ZNF43: variants seen among roughly 807,000 people sequenced by gnomAD.
ZNF43 encodes the protein zinc finger protein 39-like 1 (KOX 27).
In ZNF43, 44 loss-of-function variants were observed where a neutral mutation model predicts 68.4. The observed-to-expected ratio is 0.64, with a 90% CI of 0.51 to 0.83. The LOEUF (loss-of-function observed/expected upper bound fraction) is 0.83. ZNF43 is among the 40% of genes least tolerant of loss of function. The probability of loss-of-function intolerance (pLI) is 0.00; values close to 1 mark genes in which losing one functional copy is unlikely to be tolerated. For synonymous variants in ZNF43, 308 were observed against 307.8 expected (o/e 1.00, Z -0.01); for missense variants, 896 against 933.2 (o/e 0.96, Z 0.52).
chr19:21,835,985 G>C, intron 1 of ZNF43, 51 bp downstream of exon 1: 1 of 1,612,866 alleles, frequency 6.2e-7, no homozygotes, highest in Non-Finnish European at 8.5e-7. Context: ...GAAGGCCTGA[G>C]TCACGCCACA....
At chr19:21,840,311 A>C (rs1334417655), upstream of ZNF43, 2 of 152,664 alleles carry the variant, frequency 1.3e-5, no homozygotes, top group Non-Finnish European at 2.9e-5. Flanking sequence ...AGGAGAGTCA[A>C]ATCACTCAGG....
chr19:21,808,488 T>A lies in ZNF43; in HGVS notation c.1549A>T (p.Lys517Ter). 6.2e-7 allele frequency: 1 copy of A among 1,613,486 alleles called. No individual in the cohort carries two copies. The highest frequency in any genetic ancestry group is 8.5e-7 in the Non-Finnish European group (1 of 1,179,824). The change falls in exon 4 of 4, where the codon AAA (lysine) becomes TAA (stop). Residue 517 changes from lysine (K) to a stop codon, truncating the protein, a stop_gained. Coordinates refer to ENST00000354959, the MANE Select transcript of ZNF43 (RefSeq NM_003423.4). LOFTEE classifies it high-confidence loss of function. ...KKPYKCEECG[K>*]AFKWSSKLTE... ...AGCTTTGAGGACCACTTAAAAGCTT[T>A]GCCACATTCTTCACATTTGTAGGGT...
At chr19:21,809,974 C>T (rs2037200409) in intron 3 of ZNF43, among the ~76,000 whole-genome samples, 167 bp from the exon 4 acceptor site, 1 of 152,022 alleles carries the variant, frequency 6.6e-6, no homozygotes, top group South Asian at 2.1e-4. Flanking sequence ...ACATACTGAT[C>T]AAATCAGTGA....
At chr19:21,851,115 A>G (rs1051976932) in intron 1 of ZNF43, 1 of 152,260 alleles carries the variant, frequency 6.6e-6, no homozygotes, top group African/African-American at 2.4e-5. Context: ...CAGTGCAGTC[A>G]CAGCCTCACA....
At chr19:21,836,414 T>C (rs1349331338), upstream of ZNF43, among the ~76,000 whole-genome samples, 1 of 152,212 alleles carries the variant, frequency 6.6e-6, no homozygotes, top group Non-Finnish European at 1.5e-5. Context: ...ACCCAGAGGG[T>C]ATTTGCCTTT....
At chr19:21,847,378 G>A (rs1217172411) in intron 1 of ZNF43, among the ~76,000 whole-genome samples, 2 of 152,154 alleles carry the variant, frequency 1.3e-5, no homozygotes, top group Non-Finnish European at 2.9e-5. Context: ...AGGTCTCTGT[G>A]AGCAGAGACC....
intron 1 of ZNF43, among the ~76,000 whole-genome samples, chr19:21,827,984 G>C (rs986846872): frequency 6.6e-6 from 1 of 151,988 alleles, no homozygotes; most frequent in Non-Finnish European, 1.5e-5. Context: ...TATATTTTTT[G>C]AGTGGCCACC....
At chr19:21,835,763 TC>T (rs1346823350) in intron 1 of ZNF43, among the ~76,000 whole-genome samples, 4 of 152,130 alleles carry the variant, frequency 2.6e-5, no homozygotes, top group African/African-American at 4.8e-5. Flanking sequence ...CTGACGACCC[TC>T]CTGTGGCCCC....
intron 1 of ZNF43, among the ~76,000 whole-genome samples, chr19:21,822,558 C>A (rs1012868902): frequency 6.6e-6 from 1 of 152,172 alleles, no homozygotes; most frequent in Non-Finnish European, 1.5e-5. Flanking sequence ...GTAATCCCAG[C>A]ACTTTGGGAG....
chr19:21,818,335 G>A (rs569938917), intron 2 of ZNF43, among the ~76,000 whole-genome samples: 114 of 147,332 alleles, frequency 7.7e-4, no homozygotes, highest in Non-Finnish European at 1.4e-3. Flanking sequence ...ACTCCTGACC[G>A]GGTGATCCGC....
chr19:21,811,602 T>C (rs2037276837), intron 3 of ZNF43, among the ~76,000 whole-genome samples: 1 of 151,094 alleles, frequency 6.6e-6, no homozygotes, highest in African/African-American at 2.4e-5. Context: ...GGCATTATAC[T>C]TTCTGATTTC....
intron 3 of ZNF43, among the ~76,000 whole-genome samples, chr19:21,813,769 T>A (rs7248525): frequency 0.12 from 7,121 of 59,938 alleles, 231 homozygotes; most frequent in African/African-American, 0.31. Context: ...TGAAAAGTAC[T>A]TTTTTTTTTT....
At chr19:21,844,933 T>TATATATATATATATATATATAC (rs1967841203) in intron 1 of ZNF43, among the ~76,000 whole-genome samples, 1 of 125,850 alleles carries the variant, frequency 7.9e-6, no homozygotes, top group African/African-American at 3.5e-5. Context: ...TATATATATA[T>TATATATATATATATATATATAC]ATATATATAT....
Position 21,808,919 on chromosome 19 carries a change from G to T in ZNF43, c.1118C>A (p.Thr373Lys), listed in dbSNP as rs372503962. The change falls in exon 4 of 4, where the codon ACA (threonine) becomes AAA (lysine). Residue 373 changes from threonine (T) to lysine (K), a missense_variant. Physicochemically the swap from Thr to Lys is moderately conservative, Grantham distance 78. Coordinates refer to ENST00000354959, the MANE Select transcript of ZNF43 (RefSeq NM_003423.4). ...CCGGCTAAAAGCTTCACCACATTCT[G>T]TACATTTATAGAATTTCTCTGCAGT... is the stretch of plus-strand genomic sequence containing the variant. ...IHTAEKFYKC[T>K]ECGEAFSRSS... is the part of the protein sequence containing the mutation. 8 of 1,606,810 alleles carry T rather than the reference G, an allele frequency of 5.0e-6. No individual in the cohort carries two copies. Among genetic ancestry groups the T allele is most frequent in the Middle Eastern group, 1.7e-4 (1 of 6,016 alleles).
intron 1 of ZNF43, among the ~76,000 whole-genome samples, chr19:21,823,555 CAAGA>C (rs2037955111): frequency 7.6e-6 from 1 of 132,090 alleles, no homozygotes; most frequent in Non-Finnish European, 1.6e-5. Flanking sequence ...ATAAGCCGGG[CAAGA>C]AAGAATCAGG....
Position 21,809,334 on chromosome 19 carries a change from A to G in ZNF43, c.703T>C (p.Cys235Arg), listed in dbSNP as rs368869055. 1.2e-5 allele frequency: 19 copies of G among 1,613,690 alleles called. No homozygotes were observed. The highest frequency in any genetic ancestry group is 1.6e-5 in the Non-Finnish European group (19 of 1,179,914). The change falls in exon 4 of 4, where the codon TGT becomes CGT. Residue 235 changes from cysteine (C) to arginine (R), a missense_variant. By Grantham distance (180) the Cys-to-Arg change is radical. Transcript: ENST00000354959. ...TGEKPYTCEECGKVFNWSSRL... is the reference protein window; with the variant it reads ...TGEKPYTCEERGKVFNWSSRL... ...GAGGACCAATTAAAGACTTTGCCAC[A>G]TTCTTCACATGTGTAGGGTTTCTCT...
chr19:21,818,677 C>T (rs900586737), intron 2 of ZNF43, among the ~76,000 whole-genome samples: 3 of 152,172 alleles, frequency 2.0e-5, no homozygotes, highest in Non-Finnish European at 2.9e-5. Context: ...GCCTCGGCCT[C>T]CCAGAGTACC....
At chr19:21,823,569 GC>G (rs2037956254) in intron 1 of ZNF43, among the ~76,000 whole-genome samples, 5 of 141,816 alleles carry the variant, frequency 3.5e-5, no homozygotes, top group East Asian at 4.1e-4. Flanking sequence ...AAAGAATCAG[GC>G]CTTTTTTTTT....
At position 21,805,228 on chromosome 19, in the gene ZNF43, G is replaced by A. The variant is rs1216445044; in HGVS notation, c.*2379C>T. The A allele has an allele frequency of 5.9e-5, 9 of 151,652 alleles. No homozygotes were observed. The highest frequency in any genetic ancestry group is 4.4e-5 in the Non-Finnish European group (3 of 68,058). The allele number at this position is 151,652 out of a possible 1,614,324, so 9.4% of individuals were successfully genotyped here. On this transcript the variant is annotated 3_prime_UTR_variant, in exon 4 of 4. Transcript: ENST00000354959. ...TGCCTGTGGTCCCAGAACTCTGGGA[G>A]GCCGAGGCAGGCAGATCATGAGGTC...
Sources: gnomAD v4.1 joint callset for allele counts (sites outside exome capture counted in the v4.1 genomes callset) on GRCh38, gnomAD v4.1.1 for gene constraint, MANE v1.5 for transcripts, NCBI Gene and HGNC (gene_info 2026-07-23, HGNC 2026-07-21) for gene names.